NDC80: variants seen among roughly 807,000 people sequenced by gnomAD.
NDC80 encodes NDC80 kinetochore complex component.
NDC80 carries 69 observed loss-of-function variants against 89.3 expected under a neutral mutation model. The observed-to-expected ratio is 0.77, with a 90% CI of 0.64 to 0.94. NDC80 has a LOEUF of 0.94. NDC80 is among the 40% of genes least tolerant of loss of function. The probability of loss-of-function intolerance (pLI) is 0.00; values close to 1 mark genes in which losing one functional copy is unlikely to be tolerated. For missense variants in NDC80, 593 were observed against 739.6 expected (o/e 0.80, Z 2.30); for synonymous variants, 243 against 255.6 (o/e 0.95, Z 0.47).
chr18:2,577,968 G>GTT lies in NDC80; in HGVS notation c.305_306dup (p.Leu103PhefsTer13). 1 of 1,610,716 alleles carries GTT rather than the reference G, an allele frequency of 6.2e-7. No individual in the cohort carries two copies. Among genetic ancestry groups the GTT allele is most frequent in the Non-Finnish European group, 8.5e-7 (1 of 1,178,374 alleles). Reference sequence around the variant, plus strand: ...TTGGTGGTTCATAAAAATTATTGTAGTTTCTTACAGAAAATGGTTATGCAC... The same window carrying GTT: ...TTGGTGGTTCATAAAAATTATTGTAGTTTTTCTTACAGAAAATGGTTATGCAC... On this transcript the variant is annotated frameshift_variant and splice_region_variant. Transcript: ENST00000261597. LOFTEE classifies it high-confidence loss of function.
At chr18:2,608,525 A>G (rs891833453) in intron 14 of NDC80, among the ~76,000 whole-genome samples, 175 bp from the exon 15 acceptor site, 8 of 152,196 alleles carry the variant, frequency 5.3e-5, no homozygotes, top group Non-Finnish European at 1.2e-4. Flanking sequence ...TTTATAATAC[A>G]GGATTCCCAA....
intron 10 of NDC80, among the ~76,000 whole-genome samples, chr18:2,592,915 G>C (rs1244810325): frequency 6.6e-6 from 1 of 151,970 alleles, no homozygotes; most frequent in Non-Finnish European, 1.5e-5. Context: ...ATGAGTCACA[G>C]AAGGTTGGAA....
At chr18:2,573,288 C>T (rs9965918) in intron 2 of NDC80, among the ~76,000 whole-genome samples, 20,540 of 152,182 alleles carry the variant, frequency 0.13, 2,560 homozygotes, top group African/African-American at 0.33. Context: ...ATTTGTTTCA[C>T]AAATTTCCAA....
chr18:2,606,860 TA>T (rs1454774007), intron 14 of NDC80, among the ~76,000 whole-genome samples: 27 of 152,224 alleles, frequency 1.8e-4, no homozygotes, highest in African/African-American at 3.8e-4. Context: ...TGAACCCCAA[TA>T]AGGTCTTTTG....
At chr18:2,592,906 T>C (rs978381601) in intron 10 of NDC80, among the ~76,000 whole-genome samples, 2 of 151,954 alleles carry the variant, frequency 1.3e-5, no homozygotes, top group Non-Finnish European at 2.9e-5. Flanking sequence ...ATATAGGCCA[T>C]GAGTCACAGA....
intron 16 of NDC80, chr18:2,614,401 C>T (rs2072761000): frequency 5.3e-6 from 1 of 188,276 alleles, no homozygotes; most frequent in African/African-American, 2.4e-5. Context: ...CGCACCACTG[C>T]ACTCCAGCCT....
intron 3 of NDC80, among the ~76,000 whole-genome samples, chr18:2,575,972 G>A (rs144516954): frequency 5.3e-4 from 80 of 151,892 alleles, no homozygotes; most frequent in Middle Eastern, 6.8e-3. Flanking sequence ...CATGGTGCAC[G>A]CCTATAATCC....
chr18:2,613,540 G>C lies in NDC80; in HGVS notation c.1791+2679G>C, dbSNP rs185435268. ...TCAGAATAGTTGGATAAAATGAATT[G>C]TTCAATTAATGAAGTTGGATCCCTA... On this transcript the variant is annotated intron_variant, in intron 16 of 16. Coordinates refer to ENST00000261597, the MANE Select transcript of NDC80 (RefSeq NM_006101.3). Among the ~76,000 whole-genome samples the C allele has an allele frequency of 2.2e-3, 342 of 152,260 alleles. 2 individuals are homozygous for C. Among genetic ancestry groups the C allele is most frequent in the Non-Finnish European group, 4.1e-3 (282 of 68,016 alleles).
At chr18:2,593,960 T>C (rs1171876267) in intron 10 of NDC80, 11 of 180,154 alleles carry the variant, frequency 6.1e-5, no homozygotes, top group Non-Finnish European at 1.3e-4. Flanking sequence ...TGGCGTGCAG[T>C]GGTGCGATCT....
At chr18:2,596,551 A>G (rs1325497054) in intron 11 of NDC80, among the ~76,000 whole-genome samples, 1 of 149,138 alleles carries the variant, frequency 6.7e-6, no homozygotes, top group Non-Finnish European at 1.5e-5. Context: ...GATGTGGAGA[A>G]ATAGGAACAC....
chr18:2,609,785 A>G (rs988605892), intron 15 of NDC80, among the ~76,000 whole-genome samples: 1 of 152,200 alleles, frequency 6.6e-6, no homozygotes, highest in African/African-American at 2.4e-5. Context: ...TATGCAGTGC[A>G]CTGAGTAGCT....
chr18:2,574,559 C>A (rs1409982722), intron 2 of NDC80, among the ~76,000 whole-genome samples: 1 of 151,946 alleles, frequency 6.6e-6, no homozygotes, highest in East Asian at 1.9e-4. Flanking sequence ...GATATTTAGG[C>A]CTGAAAGTAT....
chr18:2,577,915 T>G, intron 4 of NDC80, 46 bp downstream of exon 4: 1 of 1,608,952 alleles, frequency 6.2e-7, no homozygotes, highest in South Asian at 1.1e-5. Flanking sequence ...TCATAGGTAT[T>G]TTCCAATAAT....
rs547874837 is a variant in NDC80 at position 2,607,094 on chromosome 18, T to C, written c.1557+587T>C. ...ACTATGCCAATATTTTTTACTTATG[T>C]CAACAAAGTATTAGGAATTGAAAAC... On this transcript the variant is annotated intron_variant, in intron 14 of 16. Coordinates refer to ENST00000261597, the MANE Select transcript of NDC80 (RefSeq NM_006101.3). 1.7e-4 allele frequency among the ~76,000 whole-genome samples: 26 copies of C among 152,342 alleles called. No homozygotes were observed. In the East Asian group the frequency reaches 3.1e-3, roughly 18 times the overall value.
intron 12 of NDC80, among the ~76,000 whole-genome samples, chr18:2,599,629 A>G (rs2072674302): frequency 1.3e-5 from 2 of 152,190 alleles, no homozygotes; most frequent in African/African-American, 4.8e-5. Flanking sequence ...CATAAAATGT[A>G]TTAGAGTACT....
chr18:2,576,416 T>G (rs1239438466), intron 3 of NDC80, among the ~76,000 whole-genome samples: 1 of 152,276 alleles, frequency 6.6e-6, no homozygotes, highest in East Asian at 1.9e-4. Context: ...AGCAGACAGC[T>G]AGATTCTAAT....
At chr18:2,594,745 CTTGT>C (rs1245435079) in intron 10 of NDC80, 1 of 152,348 alleles carries the variant, frequency 6.6e-6, no homozygotes, top group Non-Finnish European at 1.5e-5. Flanking sequence ...CTTTTCACAC[CTTGT>C]CCAACTGTTC....
At chr18:2,611,089 C>T (rs2072742084) in intron 16 of NDC80, among the ~76,000 whole-genome samples, 1 of 139,960 alleles carries the variant, frequency 7.1e-6, no homozygotes, top group Non-Finnish European at 1.5e-5. Flanking sequence ...ACTCTCATCA[C>T]CCAGGCTGGA....
Position 2,581,471 on chromosome 18 carries a change from G to T in NDC80, c.579+2442G>T, listed in dbSNP as rs567410484. ...AGATCAGAAGTTAGAGACCAGCCTG[G>T]CCAACATGACAAAACCCCATCTCTA... On this transcript the variant is annotated intron_variant, in intron 6 of 16. Transcript: ENST00000261597. Among the ~76,000 whole-genome samples, 352 of 152,278 alleles carry T rather than the reference G, an allele frequency of 2.3e-3. 1 individual carries two copies. The highest frequency in any genetic ancestry group is 8.2e-3 in the African/African-American group (341 of 41,556).
Sources: gnomAD v4.1 joint callset for allele counts (sites outside exome capture counted in the v4.1 genomes callset) on GRCh38, gnomAD v4.1.1 for gene constraint, MANE v1.5 for transcripts, NCBI Gene and HGNC (gene_info 2026-07-23, HGNC 2026-07-21) for gene names.